PALM2AKAP2: variants seen among roughly 807,000 people sequenced by gnomAD.
PALM2AKAP2 encodes PALM2-AKAP2 fusion protein.
A neutral mutation model predicts 71.5 loss-of-function variants in PALM2AKAP2; 37 were observed. That is an observed-to-expected ratio of 0.52 (90% confidence interval 0.40 to 0.68). The LOEUF is 0.68. Ranked by LOEUF, PALM2AKAP2 falls within the 30% of genes least tolerant of loss-of-function variation. The pLI is 0.00. For missense variants in PALM2AKAP2, 1,224 were observed against 1,191.8 expected (o/e 1.03, Z -0.40); for synonymous variants, 468 against 478.8 (o/e 0.98, Z 0.29).
chr9:109,947,539 C>T (rs1831537367), intron 6 of PALM2AKAP2, among the ~76,000 whole-genome samples: 1 of 152,154 alleles, frequency 6.6e-6, no homozygotes, highest in Admixed American at 6.5e-5. Context: ...GTCATAGAGA[C>T]AAAATCTAAC....
rs145122654 is a variant in PALM2AKAP2, at chr9:109,735,195, C to T, written c.6-45293C>T. On this transcript the variant is annotated intron_variant, in intron 1 of 6. Transcript: ENST00000374531. ...CCCTCAGGGCCTGGCTACTGCCTTG[C>T]ATACTAGATTCATGGGTATTTTCCT... 7.4e-5 allele frequency among the ~76,000 whole-genome samples: 11 copies of T among 149,048 alleles called. No homozygotes were observed. In the East Asian group the frequency reaches 2.1e-3, roughly 29 times the overall value.
At chr9:110,136,279 T>C (rs768912109) in exon 2 of PALM2AKAP2, 1 of 1,614,202 alleles carries the variant, frequency 6.2e-7, no homozygotes, top group South Asian at 1.1e-5. Flanking sequence ...AAAGTGTTCC[T>C]GGAATCACCT....
chr9:109,919,919 A>G (rs895551738), intron 3 of PALM2AKAP2, among the ~76,000 whole-genome samples: 2 of 152,144 alleles, frequency 1.3e-5, no homozygotes, highest in African/African-American at 4.8e-5. Flanking sequence ...GTATTTGCTG[A>G]TCTAGGCTGG....
At chr9:109,714,857 A>G (rs985207827) in intron 1 of PALM2AKAP2, among the ~76,000 whole-genome samples, 2 of 152,192 alleles carry the variant, frequency 1.3e-5, no homozygotes, top group African/African-American at 4.8e-5. Flanking sequence ...TCTCCTAGCC[A>G]TGAAGCAAGA....
At chr9:110,101,227 A>G (rs531279730) in intron 1 of PALM2AKAP2, among the ~76,000 whole-genome samples, 2 of 152,158 alleles carry the variant, frequency 1.3e-5, no homozygotes, top group Middle Eastern at 6.8e-3. Context: ...TTGCCAAAAC[A>G]GAAATTTTAA....
chr9:110,156,429 A>T, exon 3 of PALM2AKAP2: 3 of 1,612,992 alleles, frequency 1.9e-6, no homozygotes, highest in East Asian at 2.2e-5. Flanking sequence ...CAAGAATCTG[A>T]TGCAGACCCT....
intron 1 of PALM2AKAP2, among the ~76,000 whole-genome samples, chr9:110,087,976 G>A (rs1403580083): frequency 1.3e-5 from 2 of 152,192 alleles, no homozygotes; most frequent in African/African-American, 4.8e-5. Context: ...GTATTGTATG[G>A]TTCTGAATTG....
chr9:109,666,160 C>T (rs1160953317), intron 1 of PALM2AKAP2, among the ~76,000 whole-genome samples: 1 of 152,196 alleles, frequency 6.6e-6, no homozygotes. Context: ...AGGTGATGCC[C>T]TGCCCTGCTT....
At chr9:110,138,590 G>A in intron 2 of PALM2AKAP2, 51 bp downstream of exon 8, 1 of 1,499,302 alleles carries the variant, frequency 6.7e-7, no homozygotes, top group Non-Finnish European at 8.9e-7. Context: ...GTCTGTTGTT[G>A]TTGATTCCAG....
intron 6 of PALM2AKAP2, among the ~76,000 whole-genome samples, chr9:109,967,275 A>C (rs974650533): frequency 3.3e-5 from 5 of 152,132 alleles, no homozygotes; most frequent in African/African-American, 4.8e-5. Flanking sequence ...CAAGACAGAG[A>C]ACCAGGCAGA....
intron 6 of PALM2AKAP2, among the ~76,000 whole-genome samples, chr9:110,007,801 A>C (rs1832811856): frequency 6.6e-6 from 1 of 152,208 alleles, no homozygotes; most frequent in Non-Finnish European, 1.5e-5. Flanking sequence ...CTTCAGAAGG[A>C]ATACCCAAAG....
chr9:109,931,209 C>G (rs78519019), intron 5 of PALM2AKAP2, among the ~76,000 whole-genome samples: 1 of 152,210 alleles, frequency 6.6e-6, no homozygotes, highest in East Asian at 1.9e-4. Flanking sequence ...CTCCCCATGT[C>G]TCACCTCCCT....
intron 1 of PALM2AKAP2, among the ~76,000 whole-genome samples, chr9:110,056,538 G>T (rs1038663953): frequency 2.0e-5 from 3 of 152,210 alleles, no homozygotes; most frequent in East Asian, 1.9e-4. Context: ...GCCATGTGCT[G>T]TGTGATTCTA....
At chr9:109,835,669 T>A (rs867547079) in intron 1 of PALM2AKAP2, among the ~76,000 whole-genome samples, 1 of 152,094 alleles carries the variant, frequency 6.6e-6, no homozygotes, top group African/African-American at 2.4e-5. Context: ...GAAAATCGGG[T>A]CACTCCCACC....
intron 1 of PALM2AKAP2, among the ~76,000 whole-genome samples, chr9:109,862,707 T>C (rs986378816): frequency 5.3e-5 from 8 of 152,062 alleles, no homozygotes; most frequent in Admixed American, 1.3e-4. Flanking sequence ...ACAGTGAGGG[T>C]AGATGTGTTT....
At chr9:109,941,147 T>TC (rs199791034) in intron 6 of PALM2AKAP2, among the ~76,000 whole-genome samples, 211 of 119,500 alleles carry the variant, frequency 1.8e-3, no homozygotes, top group East Asian at 0.014. Context: ...TTCCTCTTCT[T>TC]TTTTTTTTTT....
chr9:109,680,839 A>G (rs916915302), intron 1 of PALM2AKAP2, among the ~76,000 whole-genome samples: 5 of 152,212 alleles, frequency 3.3e-5, no homozygotes, highest in African/African-American at 9.6e-5. Flanking sequence ...TTTGTTATCT[A>G]CAATTGCAAC....
chr9:109,700,360 A>T (rs1828034980), intron 1 of PALM2AKAP2, among the ~76,000 whole-genome samples: 1 of 152,130 alleles, frequency 6.6e-6, no homozygotes, highest in South Asian at 2.1e-4. Context: ...GCCTGCTATC[A>T]TGTAAGACGT....
chr9:109,792,492 C>G (rs762803995), intron 1 of PALM2AKAP2, among the ~76,000 whole-genome samples: 2 of 152,140 alleles, frequency 1.3e-5, no homozygotes, highest in Non-Finnish European at 2.9e-5. Context: ...TGTGCAATCA[C>G]TGGTATACTC....
Sources: gnomAD v4.1 joint callset for allele counts (sites outside exome capture counted in the v4.1 genomes callset) on GRCh38, gnomAD v4.1.1 for gene constraint, MANE v1.5 for transcripts, NCBI Gene and HGNC (gene_info 2026-07-23, HGNC 2026-07-21) for gene names.